PLEKHF1: variants seen among roughly 807,000 people sequenced by gnomAD.
PLEKHF1 encodes pleckstrin homology domain-containing family F member 1.
A neutral mutation model predicts 4.1 loss-of-function variants in PLEKHF1; 1 was observed. The ratio of observed to expected loss-of-function variants is 0.24; its 90% CI spans 0.09 to 1.15. PLEKHF1 has a LOEUF of 1.15. Among genes scored for constraint, PLEKHF1 ranks in the 50% most tolerant of loss-of-function variants. The pLI is 0.52. For synonymous variants in PLEKHF1, 182 were observed against 178.5 expected (o/e 1.02, Z -0.16); for missense variants, 429 against 400.6 (o/e 1.07, Z -0.60).
intron 1 of PLEKHF1, among the ~76,000 whole-genome samples, chr19:29,668,187 C>T (rs757138380): frequency 1.1e-4 from 17 of 152,208 alleles, no homozygotes; most frequent in East Asian, 5.8e-4. Context: ...CAGGTCTGTT[C>T]GTTGCCTGGT....
In PLEKHF1 at chr19:29,674,565, C is replaced by G; in HGVS notation, c.726C>G (p.Ser242=). ...TGGCCCGGCCCATCTGCGGAGCGTC[C>G]AGTGGAGATGACGATGACTCCGACG... The part of the protein sequence containing the change: ...AHLARPICGA[S]SGDDDDSDED... The change falls in exon 2 of 2, where the codon TCC becomes TCG. Residue 242 remains serine (S), a synonymous_variant. Coordinates refer to ENST00000436066, the MANE Select transcript of PLEKHF1 (RefSeq NM_024310.5). 6.3e-7 allele frequency: 1 copy of G among 1,598,994 alleles called. No individual in the cohort carries two copies. Among genetic ancestry groups the G allele is most frequent in the Non-Finnish European group, 8.5e-7 (1 of 1,173,784 alleles).
intron 1 of PLEKHF1, among the ~76,000 whole-genome samples, chr19:29,670,146 G>T (rs1971614312): frequency 6.6e-6 from 1 of 152,110 alleles, no homozygotes; most frequent in Non-Finnish European, 1.5e-5. Context: ...TGGCCAGGCT[G>T]GTCTCGAACT....
chr19:29,674,865 C>G lies in PLEKHF1; in HGVS notation c.*186C>G, dbSNP rs575272815. 35 of 835,822 alleles carry G rather than the reference C, an allele frequency of 4.2e-5. No individual in the cohort carries two copies. In the South Asian group the frequency reaches 7.5e-4, roughly 18 times the overall value. The allele number at this position is 835,822 out of a possible 1,614,324, so 51.8% of individuals were successfully genotyped here. A position where few individuals can be genotyped will look rare whatever the true frequency, so the allele number is the denominator to read the frequency against. ...ACACTGTGTCCTTATGGCTTCACTGCAGGTAATGCCTTTCCCTTCAGGAAG... is the reference window on the plus strand; with the variant it reads ...ACACTGTGTCCTTATGGCTTCACTGGAGGTAATGCCTTTCCCTTCAGGAAG... On this transcript the variant is annotated 3_prime_UTR_variant, in exon 2 of 2. Transcript: ENST00000436066.
At chr19:29,669,521 A>C (rs1417575963) in intron 1 of PLEKHF1, among the ~76,000 whole-genome samples, 1 of 152,142 alleles carries the variant, frequency 6.6e-6, no homozygotes, top group Non-Finnish European at 1.5e-5. Flanking sequence ...CCTGGATGCC[A>C]TGTGGTCACC....
At chr19:29,668,867 C>G (rs1971598846) in intron 1 of PLEKHF1, among the ~76,000 whole-genome samples, 1 of 152,176 alleles carries the variant, frequency 6.6e-6, no homozygotes, top group Admixed American at 6.5e-5. Context: ...GGGCAGCTCC[C>G]AGGAGGATGT....
At position 29,674,054 on chromosome 19, in the gene PLEKHF1, G is replaced by A; in HGVS notation, c.215G>A (p.Arg72His). The A allele has an allele frequency of 6.2e-7, 1 of 1,614,106 alleles. No individual in the cohort carries two copies. Among genetic ancestry groups the A allele is most frequent in the Non-Finnish European group, 8.5e-7 (1 of 1,180,006 alleles). ...TATGGCAGCATCGTGCTCAACAAGC[G>A]CAAGTACCGCAGCCAGCACATCATC... is the stretch of plus-strand genomic sequence containing the variant. ...LVYGSIVLNK[R>H]KYRSQHIIPL... is the part of the protein sequence containing the mutation. Residue 72 changes from arginine (R) to histidine (H), a missense_variant, in exon 2 of 2, where the codon CGC becomes CAC. By Grantham distance (29) the Arg-to-His change is conservative (BLOSUM62 0). Coordinates refer to ENST00000436066, the MANE Select transcript of PLEKHF1 (RefSeq NM_024310.5).
At chr19:29,666,108 TCTCC>T (rs1321024783) in intron 1 of PLEKHF1, among the ~76,000 whole-genome samples, 2 of 151,908 alleles carry the variant, frequency 1.3e-5, no homozygotes, top group African/African-American at 4.8e-5. Flanking sequence ...CGGCCTGGAA[TCTCC>T]CTCCTTTCTC....
intron 1 of PLEKHF1, among the ~76,000 whole-genome samples, 194 bp from the exon 2 acceptor site, chr19:29,673,630 C>T (rs538770610): frequency 2.0e-5 from 3 of 152,188 alleles, no homozygotes; most frequent in African/African-American, 4.8e-5. Flanking sequence ...CTTCCCTCCC[C>T]GTAGTTCCCT....
At chr19:29,673,625 C>T (rs1425535422) in intron 1 of PLEKHF1, among the ~76,000 whole-genome samples, 199 bp from the exon 2 acceptor site, 3 of 152,212 alleles carry the variant, frequency 2.0e-5, no homozygotes, top group Non-Finnish European at 2.9e-5. Flanking sequence ...TCCCCCTTCC[C>T]TCCCCGTAGT....
chr19:29,674,768 G>A lies in PLEKHF1; in HGVS notation c.*89G>A. 6.8e-7 allele frequency: 1 copy of A among 1,476,570 alleles called. No individual in the cohort carries two copies. Among genetic ancestry groups the A allele is most frequent in the African/African-American group, 1.4e-5 (1 of 70,422 alleles). 91.5% of individuals were successfully genotyped at this position (1,476,570 alleles called of 1,614,324 possible). A position where few individuals can be genotyped will look rare whatever the true frequency, so the allele number is the denominator to read the frequency against. ...CTCCAGAAGCTGCCCAGGGCTCCGG[G>A]ACCCCATCCCATGGTGGCAGGTGCA... is the stretch of plus-strand genomic sequence containing the variant. On this transcript the variant is annotated 3_prime_UTR_variant, in exon 2 of 2. Coordinates refer to ENST00000436066, the MANE Select transcript of PLEKHF1 (RefSeq NM_024310.5).
chr19:29,674,259 G>A lies in PLEKHF1; in HGVS notation c.420G>A (p.Pro140=), dbSNP rs756392627. 5.0e-6 allele frequency: 8 copies of A among 1,606,126 alleles called. No individual in the cohort carries two copies. The East Asian group carries it at 1.3e-4, about 27-fold the overall frequency. Residue 140 remains proline, a synonymous_variant, in exon 2 of 2, where the codon CCG becomes CCA. Transcript: ENST00000436066. ...VRRQLRATGR[P]PSTEHAAPWI... ...GGCAACTGAGGGCCACGGGCCGCCC[G>A]CCCAGCACGGAGCACGCGGCACCCT...
rs779891577 is a variant in PLEKHF1, at chr19:29,674,580, T to C, written c.741T>C (p.Asp247=). 2 of 1,603,752 alleles carry C rather than the reference T, an allele frequency of 1.2e-6. No individual in the cohort carries two copies. The highest frequency in any genetic ancestry group is 1.7e-6 in the Non-Finnish European group (2 of 1,175,914). The change falls in exon 2 of 2, where the codon GAT becomes GAC. Residue 247 remains aspartate, a synonymous_variant. Transcript: ENST00000436066. The stretch of plus-strand genomic sequence containing the variant: ...GCGGAGCGTCCAGTGGAGATGACGA[T>C]GACTCCGACGAGGACAAGGAGGGCA... ...PICGASSGDD[D]DSDEDKEGSR...
chr19:29,669,102 G>A (rs1330630799), intron 1 of PLEKHF1, among the ~76,000 whole-genome samples: 1 of 152,150 alleles, frequency 6.6e-6, no homozygotes, highest in Non-Finnish European at 1.5e-5. Context: ...ATGGGTGGGG[G>A]CAGAGCAGCA....
intron 1 of PLEKHF1, 56 bp downstream of exon 1, chr19:29,665,561 G>A (rs1971557720): frequency 1.6e-6 from 2 of 1,252,328 alleles, no homozygotes; most frequent in South Asian, 1.3e-5. Context: ...AGGCGCATGA[G>A]GCGAGTCTCC....
At position 29,674,926 on chromosome 19, in the gene PLEKHF1, A is replaced by T; in HGVS notation, c.*247A>T. On this transcript the variant is annotated 3_prime_UTR_variant, in exon 2 of 2. Transcript: ENST00000436066. ...CCCACAGGTCTTGGTAACAAACGCCACCTTACACTCTGCAGGCTGCAGCGG... is the reference window on the plus strand; with the variant it reads ...CCCACAGGTCTTGGTAACAAACGCCTCCTTACACTCTGCAGGCTGCAGCGG... 3 of 550,190 alleles carry T rather than the reference A, an allele frequency of 5.5e-6. 1 individual carries two copies. The South Asian group carries it at 1.1e-4, about 20-fold the overall frequency. 34.1% of individuals were successfully genotyped at this position (550,190 alleles called of 1,614,324 possible).
At position 29,673,379 on chromosome 19, in the gene PLEKHF1, G is replaced by A. The variant is rs114522044; in HGVS notation, c.-16-445G>A. On this transcript the variant is annotated intron_variant, in intron 1 of 1. Coordinates refer to ENST00000436066, the MANE Select transcript of PLEKHF1 (RefSeq NM_024310.5). ...CCCTCTGCTGCCCACAGTAGTAGCC[G>A]GCTCAGTAGCACTTTTTTTTTTTAA... Among the ~76,000 whole-genome samples, 920 of 145,732 alleles carry A rather than the reference G, an allele frequency of 6.3e-3. 5 individuals are homozygous for A. The highest frequency in any genetic ancestry group is 0.022 in the African/African-American group (797 of 37,058).
intron 1 of PLEKHF1, chr19:29,665,911 T>A: frequency 2.8e-6 from 2 of 703,504 alleles, no homozygotes; most frequent in Non-Finnish European, 3.5e-6. Context: ...TCAGCCCCAG[T>A]CTGCAGTCTG....
In PLEKHF1 at chr19:29,673,825, C is replaced by T. The variant is rs767929989; in HGVS notation, c.-15C>T. 3 of 1,580,006 alleles carry T rather than the reference C, an allele frequency of 1.9e-6. No individual in the cohort carries two copies. The highest frequency in any genetic ancestry group is 2.2e-5 in the East Asian group (1 of 44,538). On this transcript the variant is annotated splice_region_variant and 5_prime_UTR_variant, in exon 2 of 2. Coordinates refer to ENST00000436066, the MANE Select transcript of PLEKHF1 (RefSeq NM_024310.5). Reference sequence around the variant, plus strand: ...CTCCTTGTCTGTCTCCTCCTGCAGCCGCCAGCTGGAGACGATGGTGGACCA... The same window carrying T: ...CTCCTTGTCTGTCTCCTCCTGCAGCTGCCAGCTGGAGACGATGGTGGACCA...
In PLEKHF1 at chr19:29,674,678, G is replaced by T; in HGVS notation, c.839G>T (p.Ter280LeuextTer64). 6.3e-7 allele frequency: 1 copy of T among 1,597,132 alleles called. No individual in the cohort carries two copies. Among genetic ancestry groups the T allele is most frequent in the Non-Finnish European group, 8.5e-7 (1 of 1,170,548 alleles). ...SGVAWSAFHS[*>L] is the part of the protein sequence containing the mutation. ...GTGGCCTGGTCTGCCTTCCACAGCT[G>T]ACCCCCGGCCTGCAGAACATCTGTC... The change falls in exon 2 of 2, where the codon TGA becomes TTA. Residue 280 changes from the stop codon to leucine, a stop_lost. Transcript: ENST00000436066.
Sources: allele counts gnomAD v4.1 joint callset (sites outside exome capture counted in the v4.1 genomes callset), GRCh38; gene constraint gnomAD v4.1.1; transcripts MANE v1.5; gene names NCBI Gene and HGNC (gene_info 2026-07-23, HGNC 2026-07-21).